The following IGF1R variants were observed in gnomAD, a reference collection of about 807,000 sequenced individuals.
IGF1R encodes the protein insulin like growth factor 1 receptor.
In IGF1R, 44 loss-of-function variants were observed where a neutral mutation model predicts 144.6. The ratio of observed to expected loss-of-function variants is 0.30; its 90% CI spans 0.24 to 0.39. IGF1R has a LOEUF of 0.39. IGF1R is among the 10% of genes least tolerant of loss of function. The pLI is 1.00. For missense variants in IGF1R, 1,355 were observed against 1,833.7 expected, an observed-to-expected ratio of 0.74 and a Z score of 4.77; for synonymous variants, 795 against 722.8, an observed-to-expected ratio of 1.10 and a Z score of -1.60.
intron 9 of IGF1R, 194 bp from the exon 10 acceptor site, chr15:98,916,478 T>G: frequency 1.6e-6 from 1 of 638,496 alleles, no homozygotes; most frequent in South Asian, 1.8e-5. Flanking sequence ...CCCAGGCTGG[T>G]CTGAAACTCC....
At chr15:98,793,054 T>C (rs565190510) in intron 2 of IGF1R, among the ~76,000 whole-genome samples, 1 of 152,302 alleles carries the variant, frequency 6.6e-6, no homozygotes, top group Admixed American at 6.5e-5. Flanking sequence ...TTCCCCAGGG[T>C]CACTGCAAGA....
intron 1 of IGF1R, among the ~76,000 whole-genome samples, chr15:98,680,555 C>T (rs183561736): frequency 2.6e-5 from 4 of 152,072 alleles, no homozygotes; most frequent in African/African-American, 4.8e-5. Flanking sequence ...CGTGAGCCAC[C>T]GCGCCTGGCC....
At chr15:98,888,702 A>C (rs1389667478) in intron 2 of IGF1R, among the ~76,000 whole-genome samples, 1 of 152,186 alleles carries the variant, frequency 6.6e-6, no homozygotes, top group Non-Finnish European at 1.5e-5. Flanking sequence ...ATGGACAGGA[A>C]TGGGTTTCTT....
intron 2 of IGF1R, among the ~76,000 whole-genome samples, chr15:98,794,357 A>G (rs1368269035): frequency 2.6e-5 from 4 of 152,170 alleles, no homozygotes; most frequent in Admixed American, 6.5e-5. Flanking sequence ...CTGTATTAGA[A>G]TGGAGGTATA....
chr15:98,823,254 T>A (rs1266842741), intron 2 of IGF1R, among the ~76,000 whole-genome samples: 1 of 152,226 alleles, frequency 6.6e-6, no homozygotes, highest in Non-Finnish European at 1.5e-5. Context: ...TGAGAACCCC[T>A]TGGAAAGGAG....
At chr15:98,702,164 T>C (rs1363753836) in intron 1 of IGF1R, among the ~76,000 whole-genome samples, 1 of 152,064 alleles carries the variant, frequency 6.6e-6, no homozygotes, top group African/African-American at 2.4e-5. Context: ...TGCTTTTCTT[T>C]AGCCCTTCTC....
At chr15:98,948,442 C>A in intron 19 of IGF1R, 132 bp from the exon 20 acceptor site, 1 of 947,184 alleles carries the variant, frequency 1.1e-6, no homozygotes, top group Non-Finnish European at 1.7e-6. Context: ...GCCTGGCTCG[C>A]TGTCTGACAA....
At chr15:98,859,912 G>C (rs2012051726) in intron 2 of IGF1R, among the ~76,000 whole-genome samples, 1 of 152,154 alleles carries the variant, frequency 6.6e-6, no homozygotes, top group African/African-American at 2.4e-5. Context: ...CACATGGGTA[G>C]TTTCTTGAAG....
At chr15:98,769,664 G>A (rs1438875594) in intron 2 of IGF1R, among the ~76,000 whole-genome samples, 1 of 152,242 alleles carries the variant, frequency 6.6e-6, no homozygotes, top group Non-Finnish European at 1.5e-5. Context: ...GCTGGCATTT[G>A]TGAGAAAGGG....
At chr15:98,787,350 A>G (rs1175116002) in intron 2 of IGF1R, among the ~76,000 whole-genome samples, 1 of 152,204 alleles carries the variant, frequency 6.6e-6, no homozygotes, top group Non-Finnish European at 1.5e-5. Context: ...ACACCTTCAA[A>G]CAAACCCAGA....
At chr15:98,881,286 G>T (rs1315366384) in intron 2 of IGF1R, among the ~76,000 whole-genome samples, 1 of 152,084 alleles carries the variant, frequency 6.6e-6, no homozygotes, top group Admixed American at 6.6e-5. Context: ...AACTCCCATA[G>T]CCCCTTCCTT....
chr15:98,711,254 C>T (rs1327189941), intron 2 of IGF1R, among the ~76,000 whole-genome samples: 2 of 152,170 alleles, frequency 1.3e-5, no homozygotes, highest in Non-Finnish European at 2.9e-5. Flanking sequence ...AAACATTAAG[C>T]ACAGAAGAAT....
At chr15:98,951,011 C>G (rs535087746) in intron 20 of IGF1R, among the ~76,000 whole-genome samples, 2 of 152,346 alleles carry the variant, frequency 1.3e-5, no homozygotes, top group East Asian at 1.9e-4. Context: ...CCCCTGTGCT[C>G]TGGGAGTACG....
At chr15:98,946,575 A>C (rs1470343918) in intron 19 of IGF1R, among the ~76,000 whole-genome samples, 1 of 152,190 alleles carries the variant, frequency 6.6e-6, no homozygotes. Flanking sequence ...CTGGGTGGAC[A>C]GTTCGCAGTG....
At chr15:98,941,953 C>T (rs1423953542) in intron 18 of IGF1R, among the ~76,000 whole-genome samples, 4 of 152,122 alleles carry the variant, frequency 2.6e-5, no homozygotes, top group African/African-American at 4.8e-5. Context: ...GATTATAAAG[C>T]GAGCCTGCCA....
intron 11 of IGF1R, among the ~76,000 whole-genome samples, chr15:98,922,698 C>A (rs2015541966): frequency 6.6e-6 from 1 of 152,246 alleles, no homozygotes; most frequent in African/African-American, 2.4e-5. Flanking sequence ...CCACCCTCCA[C>A]CTGCTACTTG....
At chr15:98,852,395 C>T (rs547340723) in intron 2 of IGF1R, among the ~76,000 whole-genome samples, 4 of 152,296 alleles carry the variant, frequency 2.6e-5, no homozygotes, top group East Asian at 1.9e-4. Context: ...CTTTCCACTC[C>T]GAATAACACG....
At chr15:98,800,373 A>G (rs1200301798) in intron 2 of IGF1R, among the ~76,000 whole-genome samples, 1 of 152,198 alleles carries the variant, frequency 6.6e-6, no homozygotes, top group African/African-American at 2.4e-5. Context: ...GTAGATGGTA[A>G]TATCCATTTA....
intron 2 of IGF1R, among the ~76,000 whole-genome samples, chr15:98,857,539 T>C (rs1596365361): frequency 6.6e-6 from 1 of 152,268 alleles, no homozygotes. Context: ...AAAATAAATG[T>C]AAATACCCAA....
Sources: gnomAD v4.1 joint callset for allele counts (sites outside exome capture counted in the v4.1 genomes callset) on GRCh38, gnomAD v4.1.1 for gene constraint, MANE v1.5 for transcripts, NCBI Gene and HGNC (gene_info 2026-07-23, HGNC 2026-07-21) for gene names.